The following SLC28A1 variants were observed in gnomAD, a reference collection of about 807,000 sequenced individuals.
SLC28A1 encodes the protein solute carrier family 28 member 1.
SLC28A1 carries 64 observed loss-of-function variants against 74.8 expected under a neutral mutation model. The ratio of observed to expected loss-of-function variants is 0.86; its 90% CI spans 0.70 to 1.05. The LOEUF is 1.05. Among genes scored for constraint, SLC28A1 ranks in the 50% least tolerant of loss-of-function variants. The pLI is 0.00. For missense variants in SLC28A1, 828 were observed against 822.8 expected (o/e 1.01, Z -0.08); for synonymous variants, 359 against 335.0 (o/e 1.07, Z -0.78).
chr15:84,960,275 A>G, the SLC28A1 span, among the ~76,000 whole-genome samples: 50 of 65,664 alleles, frequency 7.6e-4, 1 homozygote, highest in African/African-American at 2.9e-3. Flanking sequence ...TTTTTTTTTG[A>G]GACAAGGTCT....
At chr15:84,930,766 A>C (rs11857765) in intron 12 of SLC28A1, among the ~76,000 whole-genome samples, 1 of 149,304 alleles carries the variant, frequency 6.7e-6, no homozygotes. Flanking sequence ...CCACCACACC[A>C]GGCTAATTTT....
At chr15:84,973,322 G>A in the SLC28A1 span, among the ~76,000 whole-genome samples, 1 of 152,140 alleles carries the variant, frequency 6.6e-6, no homozygotes, top group African/African-American at 2.4e-5. Context: ...CAGACCCAAA[G>A]TGACTTAAGC....
rs17536553 is a variant in SLC28A1 at position 84,905,254 on chromosome 15, C to T, written c.604-285C>T. Among the ~76,000 whole-genome samples, 9 of 152,234 alleles carry T rather than the reference C, an allele frequency of 5.9e-5. No homozygotes were observed. The East Asian group carries it at 1.7e-3, about 29-fold the overall frequency. ...CAGGCCACATCTCTGGCAGTGATGA[C>T]CAGGAGACGAAGTGCCATGGCATGC... On this transcript the variant is annotated intron_variant, in intron 7 of 18. Coordinates refer to ENST00000394573, the MANE Select transcript of SLC28A1 (RefSeq NM_004213.5).
At chr15:84,932,526 G>T (rs934541316) in intron 12 of SLC28A1, among the ~76,000 whole-genome samples, 3 of 152,206 alleles carry the variant, frequency 2.0e-5, no homozygotes, top group African/African-American at 7.2e-5. Flanking sequence ...CAAACTGCAG[G>T]ACTGGATGTG....
chr15:84,924,253 G>A, intron 12 of SLC28A1, 143 bp downstream of exon 12: 1 of 1,017,902 alleles, frequency 9.8e-7, no homozygotes, highest in South Asian at 1.3e-5. Context: ...GGCTTCCCCT[G>A]AGCCCAGTGG....
intron 14 of SLC28A1, 42 bp downstream of exon 14, chr15:84,935,236 C>CA: frequency 6.2e-7 from 1 of 1,612,118 alleles, no homozygotes; most frequent in Non-Finnish European, 8.5e-7. Flanking sequence ...GAGAGGATGG[C>CA]CCCAGGTGGG....
chr15:84,926,624 C>A, intron 12 of SLC28A1: 1 of 448,676 alleles, frequency 2.2e-6, no homozygotes, highest in Non-Finnish European at 4.5e-6. Context: ...GAAAACTGGA[C>A]AGCCTAAATG....
rs745542402 is a variant in SLC28A1 at position 84,923,987 on chromosome 15, C to A, written c.960C>A (p.Thr320=). 3 of 1,614,010 alleles carry A rather than the reference C, an allele frequency of 1.9e-6. No homozygotes were observed. The highest frequency in any genetic ancestry group is 2.2e-5 in the South Asian group (2 of 91,068). The change falls in exon 12 of 19, where the codon ACC becomes ACA. Residue 320 remains threonine (T), a splice_region_variant and synonymous_variant. Transcript: ENST00000394573. ...SVAGNIFVSQ[T]EAPLLIRPYL... ...TCTGACATCTTTCCTGTTTGCAGAC[C>A]GAGGCTCCATTACTGATCCGGCCCT...
At chr15:84,923,844 C>A (rs1027911747) in intron 11 of SLC28A1, 141 bp from the exon 12 acceptor site, 4 of 1,085,430 alleles carry the variant, frequency 3.7e-6, no homozygotes, top group Non-Finnish European at 5.5e-6. Context: ...CAGAGAAGCT[C>A]AGCCAAGTAC....
chr15:84,887,649 C>G (rs887358241), intron 2 of SLC28A1, 96 bp from the exon 3 acceptor site: 1 of 1,554,910 alleles, frequency 6.4e-7, no homozygotes, highest in Non-Finnish European at 8.7e-7. Flanking sequence ...GGCATCTGCT[C>G]CCCCCACTCA....
At chr15:84,920,136 TCA>T (rs1457380057) in intron 10 of SLC28A1, among the ~76,000 whole-genome samples, 1 of 152,164 alleles carries the variant, frequency 6.6e-6, no homozygotes, top group African/African-American at 2.4e-5. Flanking sequence ...GAAGCAGATT[TCA>T]TCTTGATTAA....
chr15:84,971,268 G>T, the SLC28A1 span, among the ~76,000 whole-genome samples: 2 of 152,164 alleles, frequency 1.3e-5, no homozygotes, highest in Non-Finnish European at 2.9e-5. Flanking sequence ...ATGATAAGGG[G>T]TGCCATAGTC....
chr15:84,909,543 C>T (rs1209205647), intron 9 of SLC28A1, among the ~76,000 whole-genome samples: 1 of 152,238 alleles, frequency 6.6e-6, no homozygotes, highest in African/African-American at 2.4e-5. Context: ...GACTGCTTCA[C>T]TGTTCTGGGT....
rs1015001587 is a variant in SLC28A1, at chr15:84,938,230, T to C, written c.1581+2712T>C. 1.6e-4 allele frequency among the ~76,000 whole-genome samples: 24 copies of C among 147,662 alleles called. 1 individual carries two copies. On this transcript the variant is annotated intron_variant, in intron 15 of 18. Coordinates refer to ENST00000394573, the MANE Select transcript of SLC28A1 (RefSeq NM_004213.5). Reference sequence around the variant, plus strand: ...AAAAAAAAAAAAGGTTTCTATAGAGTAAAAAGCACAAGTTTCCCCTCACTG... The same window carrying C: ...AAAAAAAAAAAAGGTTTCTATAGAGCAAAAAGCACAAGTTTCCCCTCACTG...
chr15:84,945,145 C>T lies in SLC28A1; in HGVS notation c.1895C>T (p.Pro632Leu). 6.2e-7 allele frequency: 1 copy of T among 1,614,080 alleles called. No homozygotes were observed. Among genetic ancestry groups the T allele is most frequent in the Non-Finnish European group, 8.5e-7 (1 of 1,180,002 alleles). The stretch of plus-strand genomic sequence containing the variant: ...TTTAGCGTCAATCCAGAGTTCAGCC[C>T]AGAGGCCCTGGACAACTGCTGTCGG... ...AFQSVNPEFS[P>L]EALDNCCRFY... Residue 632 changes from proline (P) to leucine (L), a missense_variant, in exon 19 of 19, where the codon CCA becomes CTA. Pro to Leu is a moderately conservative substitution (Grantham distance 98). Coordinates refer to ENST00000394573, the MANE Select transcript of SLC28A1 (RefSeq NM_004213.5).
At chr15:84,950,067 G>C (rs150144858), downstream of SLC28A1, among the ~76,000 whole-genome samples, 2 of 152,182 alleles carry the variant, frequency 1.3e-5, no homozygotes, top group African/African-American at 4.8e-5. Flanking sequence ...CACTGGCAGG[G>C]ATGGGGAGGC....
the SLC28A1 span, among the ~76,000 whole-genome samples, chr15:84,965,878 G>T: frequency 6.7e-5 from 10 of 149,410 alleles, no homozygotes; most frequent in African/African-American, 1.0e-4. Flanking sequence ...ACAAGATTAG[G>T]CTGTTAAGCT....
rs1461269031 is a variant in SLC28A1, at chr15:84,884,662, C to T, written c.-222C>T. On this transcript the variant is annotated 5_prime_UTR_variant, in exon 1 of 19. Coordinates refer to ENST00000394573, the MANE Select transcript of SLC28A1 (RefSeq NM_004213.5). The stretch of plus-strand genomic sequence containing the variant: ...TCCTTGTTGTAGAGATTAGGGCCCA[C>T]AACGATGTGAAGGTTATAAGCTGCA... 1 of 974,700 alleles carries T rather than the reference C, an allele frequency of 1.0e-6. No homozygotes were observed. Among genetic ancestry groups the T allele is most frequent in the Non-Finnish European group, 1.2e-6 (1 of 819,886 alleles). 60.4% of individuals were successfully genotyped at this position (974,700 alleles called of 1,614,324 possible). A position where few individuals can be genotyped will look rare whatever the true frequency, so the allele number is the denominator to read the frequency against.
intron 8 of SLC28A1, 65 bp downstream of exon 8, chr15:84,905,717 T>C: frequency 8.3e-7 from 1 of 1,204,812 alleles, no homozygotes; most frequent in Non-Finnish European, 1.2e-6. Context: ...AGAAGCCACT[T>C]GGCAGGGGGA....
Sources: gnomAD v4.1 joint callset for allele counts (sites outside exome capture counted in the v4.1 genomes callset) on GRCh38, gnomAD v4.1.1 for gene constraint, MANE v1.5 for transcripts, NCBI Gene and HGNC (gene_info 2026-07-23, HGNC 2026-07-21) for gene names.